The following SEMA5A variants were observed in gnomAD, a reference collection of about 807,000 sequenced individuals.
SEMA5A encodes semaphorin-5A.
A neutral mutation model predicts 135.5 loss-of-function variants in SEMA5A; 55 were observed. That is an observed-to-expected ratio of 0.41 (90% CI 0.33 to 0.51). SEMA5A has a LOEUF of 0.51. SEMA5A is among the 20% of genes least tolerant of loss of function. The probability of loss-of-function intolerance (pLI) is 0.37; values close to 1 mark genes in which losing one functional copy is unlikely to be tolerated. For synonymous variants in SEMA5A, 580 were observed against 546.5 expected (o/e 1.06, Z -0.85); for missense variants, 1,290 against 1,419.9 (o/e 0.91, Z 1.47).
At chr5:9,381,873 ATAG>A (rs1183443308) in intron 2 of SEMA5A, among the ~76,000 whole-genome samples, 1 of 151,972 alleles carries the variant, frequency 6.6e-6, no homozygotes, top group Non-Finnish European at 1.5e-5. Context: ...GACTTCAAGG[ATAG>A]TGATGCCATT....
At chr5:9,231,320 C>CCT (rs2150434934) in intron 6 of SEMA5A, among the ~76,000 whole-genome samples, 1 of 151,962 alleles carries the variant, frequency 6.6e-6, no homozygotes, top group Admixed American at 6.6e-5. Context: ...AAAAGTTAGC[C>CCT]AAGTGTGGTA....
chr5:9,382,694 T>G (rs746949156), intron 2 of SEMA5A, among the ~76,000 whole-genome samples: 3 of 152,194 alleles, frequency 2.0e-5, no homozygotes, highest in South Asian at 4.1e-4. Flanking sequence ...CAATATTTAC[T>G]GAGTGACAAC....
At chr5:9,380,744 G>A (rs1467940756) in intron 2 of SEMA5A, among the ~76,000 whole-genome samples, 1 of 152,182 alleles carries the variant, frequency 6.6e-6, no homozygotes, top group African/African-American at 2.4e-5. Context: ...AGTAATACAG[G>A]CCTGTAAAAA....
chr5:9,140,866 G>A (rs901852195), intron 12 of SEMA5A, among the ~76,000 whole-genome samples: 7 of 152,068 alleles, frequency 4.6e-5, no homozygotes, highest in Admixed American at 2.0e-4. Flanking sequence ...AATTCCACGG[G>A]CTCCTCACGT....
At chr5:9,087,417 C>T (rs1381094905) in intron 16 of SEMA5A, among the ~76,000 whole-genome samples, 2 of 152,028 alleles carry the variant, frequency 1.3e-5, no homozygotes, top group Non-Finnish European at 2.9e-5. Flanking sequence ...TCTTCATCTG[C>T]TTAAATATGA....
intron 8 of SEMA5A, among the ~76,000 whole-genome samples, chr5:9,210,344 C>T (rs2150385843): frequency 6.6e-6 from 1 of 152,284 alleles, no homozygotes; most frequent in Non-Finnish European, 1.5e-5. Context: ...TTTCAGAGCA[C>T]CGTAAGAACT....
rs1561207710 is a variant in SEMA5A, at chr5:9,384,595, GATAGATAGATAGATAGATAGATAC to G, written c.-77-4596_-77-4573del. Among the ~76,000 whole-genome samples, 122 of 100,782 alleles carry G rather than the reference GATAGATAGATAGATAGATAGATAC, an allele frequency of 1.2e-3. 6 individuals are homozygous for G. The highest frequency in any genetic ancestry group is 3.8e-3 in the African/African-American group (105 of 27,578). The allele number at this position is 100,782 out of a possible 152,430, so 66.1% of individuals were successfully genotyped here. A position where few individuals can be genotyped will look rare whatever the true frequency, so the allele number is the denominator to read the frequency against. ...ACATAGATAGATAGATAGATAGATAGATAGATAGATAGATAGATAGATACATAGATAGATAGATAGATAGATAGA... is the reference window on the plus strand; with the variant it reads ...ACATAGATAGATAGATAGATAGATAGATAGATAGATAGATAGATAGATAGA... On this transcript the variant is annotated intron_variant, in intron 2 of 22. Coordinates refer to ENST00000382496, the MANE Select transcript of SEMA5A (RefSeq NM_003966.3).
At chr5:9,059,073 AATT>A (rs746849094) in intron 18 of SEMA5A, among the ~76,000 whole-genome samples, 3 of 152,190 alleles carry the variant, frequency 2.0e-5, no homozygotes, top group Non-Finnish European at 4.4e-5. Context: ...TCCCCCATAG[AATT>A]ATTGTTTGCA....
chr5:9,074,877 T>C (rs918794928), intron 16 of SEMA5A, among the ~76,000 whole-genome samples: 4 of 152,156 alleles, frequency 2.6e-5, no homozygotes, highest in Non-Finnish European at 4.4e-5. Flanking sequence ...ATGCTTTAGA[T>C]TTACTCAGCC....
At chr5:9,223,758 T>A (rs559268581) in intron 8 of SEMA5A, among the ~76,000 whole-genome samples, 2 of 152,356 alleles carry the variant, frequency 1.3e-5, no homozygotes, top group South Asian at 4.1e-4. Flanking sequence ...TGTATGTGTA[T>A]GTGCGTGTGT....
At chr5:9,237,771 A>G (rs990907124) in intron 6 of SEMA5A, 57 bp downstream of exon 6, 2 of 1,472,458 alleles carry the variant, frequency 1.4e-6, no homozygotes, top group East Asian at 2.3e-5. Context: ...CATGCTTTAT[A>G]TAGTGTAGAG....
chr5:9,224,893 G>C lies in SEMA5A; in HGVS notation c.433-6C>G, dbSNP rs1017636289. On this transcript the variant is annotated splice_region_variant and splice_polypyrimidine_tract_variant and intron_variant, in intron 7 of 22. Coordinates refer to ENST00000382496, the MANE Select transcript of SEMA5A (RefSeq NM_003966.3). ...ATCTCAGTCAGGTTGCTCAACTGTG[G>C]GGGAGGATGAGAGGGAAAGCAGTTA... is the stretch of plus-strand genomic sequence containing the variant. The C allele has an allele frequency of 1.1e-5, 17 of 1,609,856 alleles. No individual in the cohort carries two copies. The highest frequency in any genetic ancestry group is 1.4e-5 in the Non-Finnish European group (17 of 1,177,606).
chr5:9,229,621 G>A (rs981181273), intron 6 of SEMA5A, among the ~76,000 whole-genome samples: 2 of 152,102 alleles, frequency 1.3e-5, no homozygotes, highest in African/African-American at 4.8e-5. Context: ...TAAGGACTGG[G>A]ATGGAAAATT....
At chr5:9,473,200 T>A (rs1168767901) in intron 1 of SEMA5A, among the ~76,000 whole-genome samples, 2 of 137,586 alleles carry the variant, frequency 1.5e-5, no homozygotes, top group Non-Finnish European at 3.1e-5. Flanking sequence ...ATAAAGGAGC[T>A]AAAATAAGAA....
At chr5:9,425,968 TG>T (rs1757633028) in intron 2 of SEMA5A, among the ~76,000 whole-genome samples, 1 of 152,264 alleles carries the variant, frequency 6.6e-6, no homozygotes, top group African/African-American at 2.4e-5. Context: ...CACCTTTAAA[TG>T]GGGATAATAT....
intron 3 of SEMA5A, among the ~76,000 whole-genome samples, chr5:9,358,345 C>T (rs1173509226): frequency 6.6e-6 from 1 of 152,164 alleles, no homozygotes; most frequent in Non-Finnish European, 1.5e-5. Context: ...GTCCAGGGAC[C>T]ACCCAGAGCT....
chr5:9,067,460 A>T (rs1737538568), intron 16 of SEMA5A, among the ~76,000 whole-genome samples: 2 of 152,224 alleles, frequency 1.3e-5, no homozygotes, highest in African/African-American at 4.8e-5. Flanking sequence ...ATTTTACACC[A>T]ACGGGTTTCA....
intron 9 of SEMA5A, among the ~76,000 whole-genome samples, chr5:9,197,785 T>TGTGTGTGTGTGTGTGTGTGTGTATG (rs1561011433): frequency 8.5e-6 from 1 of 117,864 alleles, no homozygotes; most frequent in Admixed American, 9.6e-5. Context: ...TGTGTGTGTG[T>TGTGTGTGTGTGTGTGTGTGTGTATG]TTTAACCCAG....
At chr5:9,172,395 T>C (rs1397278415) in intron 11 of SEMA5A, among the ~76,000 whole-genome samples, 2 of 152,232 alleles carry the variant, frequency 1.3e-5, no homozygotes, top group Non-Finnish European at 2.9e-5. Flanking sequence ...TTTTTCACTA[T>C]GAATCAGTGT....
Sources: allele counts gnomAD v4.1 joint callset (sites outside exome capture counted in the v4.1 genomes callset), GRCh38; gene constraint gnomAD v4.1.1; transcripts MANE v1.5; gene names NCBI Gene and HGNC (gene_info 2026-07-23, HGNC 2026-07-21).